CNTNAP2: variants seen among roughly 807,000 people sequenced by gnomAD.
CNTNAP2 encodes contactin associated protein 2.
In CNTNAP2, 98 loss-of-function variants were observed where a neutral mutation model predicts 155.2. The observed-to-expected ratio is 0.63, with a 90% confidence interval of 0.54 to 0.75. CNTNAP2 has a LOEUF of 0.75. Among genes scored for constraint, CNTNAP2 ranks in the 30% least tolerant of loss-of-function variants. CNTNAP2 has a pLI of 0.00. For missense variants in CNTNAP2, 1,727 were observed against 1,688.1 expected (o/e 1.02, Z -0.40); for synonymous variants, 651 against 631.2 (o/e 1.03, Z -0.47).
At chr7:148,038,832 ATGG>A (rs2116474655) in intron 15 of CNTNAP2, among the ~76,000 whole-genome samples, 1 of 139,578 alleles carries the variant, frequency 7.2e-6, no homozygotes, top group African/African-American at 3.1e-5. Flanking sequence ...GGATAGATGG[ATGG>A]ATGGATGGAT....
chr7:146,678,900 G>T (rs961349390), intron 1 of CNTNAP2, among the ~76,000 whole-genome samples: 3 of 152,054 alleles, frequency 2.0e-5, no homozygotes, highest in Non-Finnish European at 4.4e-5. Context: ...ATCATAAATT[G>T]CTTACTATAA....
chr7:147,083,146 A>G (rs1175793567), intron 4 of CNTNAP2: 1 of 152,074 alleles, frequency 6.6e-6, no homozygotes, highest in African/African-American at 2.4e-5. Flanking sequence ...CTTGCAGAGA[A>G]AAGAGAGTCG....
chr7:147,342,150 C>T (rs1466091138), intron 9 of CNTNAP2, among the ~76,000 whole-genome samples: 1 of 152,096 alleles, frequency 6.6e-6, no homozygotes, highest in Non-Finnish European at 1.5e-5. Flanking sequence ...AGGCTACACT[C>T]TCATAACCTA....
intron 2 of CNTNAP2, among the ~76,000 whole-genome samples, chr7:146,792,786 G>A (rs986628200): frequency 2.6e-5 from 4 of 152,166 alleles, no homozygotes; most frequent in African/African-American, 9.7e-5. Flanking sequence ...GGTGGCATCT[G>A]AGTATTAATC....
chr7:147,159,073 A>C (rs576051765), intron 8 of CNTNAP2, among the ~76,000 whole-genome samples: 1 of 152,222 alleles, frequency 6.6e-6, no homozygotes, highest in African/African-American at 2.4e-5. Context: ...AGGATGAGTC[A>C]GTCTAAACAG....
chr7:147,001,288 A>G (rs1243310078), intron 3 of CNTNAP2, among the ~76,000 whole-genome samples: 1 of 152,118 alleles, frequency 6.6e-6, no homozygotes, highest in African/African-American at 2.4e-5. Flanking sequence ...GTGGGTGATC[A>G]CTGGAGAGTC....
In CNTNAP2 at chr7:147,238,159, C is replaced by T. The variant is rs548841661; in HGVS notation, c.1349-61982C>T. ...CCTCCCGAGTAGCTGGGACTACAGG[C>T]GCCCGCCACCACGCCCGGCTAATTT... is the stretch of plus-strand genomic sequence containing the variant. On this transcript the variant is annotated intron_variant, in intron 8 of 23. Coordinates refer to ENST00000361727, the MANE Select transcript of CNTNAP2 (RefSeq NM_014141.6). Among the ~76,000 whole-genome samples the T allele has an allele frequency of 1.2e-3, 179 of 152,222 alleles. 1 individual carries two copies. Among genetic ancestry groups the T allele is most frequent in the Admixed American group, 1.8e-3 (27 of 15,292 alleles).
At chr7:147,108,383 T>G in intron 5 of CNTNAP2, 33 bp downstream of exon 5, 1 of 1,553,608 alleles carries the variant, frequency 6.4e-7, no homozygotes, top group Non-Finnish European at 8.8e-7. Flanking sequence ...ATTCTTTCCG[T>G]TATGGATGTT....
intron 1 of CNTNAP2, among the ~76,000 whole-genome samples, chr7:146,425,212 C>A (rs181369424): frequency 2.6e-5 from 4 of 152,208 alleles, no homozygotes; most frequent in Non-Finnish European, 5.9e-5. Flanking sequence ...ATATCCTCAC[C>A]CTTTTCTAAC....
At chr7:146,953,404 AACTC>A (rs984783086) in intron 3 of CNTNAP2, among the ~76,000 whole-genome samples, 4 of 152,008 alleles carry the variant, frequency 2.6e-5, no homozygotes, top group African/African-American at 7.2e-5. Flanking sequence ...AAAAAAAACT[AACTC>A]AGAAGATTGT....
intron 1 of CNTNAP2, among the ~76,000 whole-genome samples, chr7:146,516,013 A>G (rs1234131835): frequency 6.6e-6 from 1 of 152,080 alleles, no homozygotes; most frequent in East Asian, 1.9e-4. Context: ...CTTCTACGAT[A>G]GCTGAAGTAG....
At chr7:146,438,057 A>G (rs1796268388) in intron 1 of CNTNAP2, among the ~76,000 whole-genome samples, 1 of 151,380 alleles carries the variant, frequency 6.6e-6, no homozygotes, top group Admixed American at 6.6e-5. Flanking sequence ...ACACATCTTT[A>G]TTGTTAAGCC....
intron 8 of CNTNAP2, among the ~76,000 whole-genome samples, chr7:147,154,620 A>G (rs1339045559): frequency 6.6e-6 from 1 of 152,268 alleles, no homozygotes; most frequent in South Asian, 2.1e-4. Context: ...CAGGAAAGGC[A>G]TGGCAGCTGT....
In CNTNAP2 at chr7:147,764,918, C is replaced by T. The variant is rs570927237; in HGVS notation, c.2098+125612C>T. Among the ~76,000 whole-genome samples the T allele has an allele frequency of 4.8e-4, 73 of 152,252 alleles. No homozygotes were observed. In the South Asian group the frequency reaches 6.6e-3, roughly 14 times the overall value. On this transcript the variant is annotated intron_variant, in intron 13 of 23. Transcript: ENST00000361727. ...TCAAAATAAATCACAACACCAGAAA[C>T]TTAGAAATAATAAATATAAACATAG...
chr7:146,616,030 G>A (rs763489007), intron 1 of CNTNAP2, among the ~76,000 whole-genome samples: 4 of 152,114 alleles, frequency 2.6e-5, no homozygotes, highest in Non-Finnish European at 5.9e-5. Flanking sequence ...TATGACAATG[G>A]TAATCCTTTA....
chr7:148,147,693 C>T lies in CNTNAP2; in HGVS notation c.2757C>T (p.Tyr919=), dbSNP rs776301924. The change falls in exon 17 of 24, where the codon TAC becomes TAT. Residue 919 remains tyrosine (Y), a synonymous_variant. Coordinates refer to ENST00000361727, the MANE Select transcript of CNTNAP2 (RefSeq NM_014141.6). ...AAGGCCACACCCGCCTGGAGCTCTA[C>T]AGCCAGTTATTTGTGGGTAAGTAAT... is the stretch of plus-strand genomic sequence containing the variant. ...PTEGHTRLEL[Y]SQLFVGGAGG... is the part of the protein sequence containing the mutation. 5 of 1,613,272 alleles carry T rather than the reference C, an allele frequency of 3.1e-6. No individual in the cohort carries two copies. The highest frequency in any genetic ancestry group is 3.3e-5 in the Admixed American group (2 of 59,908).
intron 3 of CNTNAP2, among the ~76,000 whole-genome samples, chr7:147,037,652 G>A (rs1474061019): frequency 1.3e-5 from 2 of 151,730 alleles, no homozygotes; most frequent in Admixed American, 6.6e-5. Flanking sequence ...TGGCAGAGAC[G>A]GGGTTTCACC....
At chr7:147,214,025 T>A (rs1217359442) in intron 8 of CNTNAP2, among the ~76,000 whole-genome samples, 1 of 152,052 alleles carries the variant, frequency 6.6e-6, no homozygotes, top group Non-Finnish European at 1.5e-5. Flanking sequence ...GTCCACCAAC[T>A]CACCTGCCAA....
At chr7:147,423,274 G>A (rs1186615072) in intron 10 of CNTNAP2, among the ~76,000 whole-genome samples, 1 of 148,988 alleles carries the variant, frequency 6.7e-6, no homozygotes, top group African/African-American at 2.4e-5. Flanking sequence ...TTAATTTATA[G>A]GTGTCTCTTA....
Sources: allele counts gnomAD v4.1 joint callset (sites outside exome capture counted in the v4.1 genomes callset), GRCh38; gene constraint gnomAD v4.1.1; transcripts MANE v1.5; gene names NCBI Gene and HGNC (gene_info 2026-07-23, HGNC 2026-07-21).